PROS1: variants seen among roughly 807,000 people sequenced by gnomAD.
PROS1 encodes the protein vitamin K-dependent protein S.
Under a neutral mutation model 75.9 loss-of-function variants are expected in PROS1, and 29 were observed. That is an observed-to-expected ratio of 0.38 (90% CI 0.28 to 0.52). PROS1 has a LOEUF of 0.52. PROS1 is among the 20% of genes least tolerant of loss of function. PROS1 has a pLI of 0.83. For missense variants in PROS1, 680 were observed against 810.3 expected (o/e 0.84, Z 1.95); for synonymous variants, 245 against 280.6 (o/e 0.87, Z 1.27).
At chr3:93,907,222 C>A (rs1402985455) in intron 4 of PROS1, among the ~76,000 whole-genome samples, 3 of 152,200 alleles carry the variant, frequency 2.0e-5, no homozygotes, top group Non-Finnish European at 4.4e-5. Flanking sequence ...CTCTGAAGAC[C>A]ATAAAAACCC....
intron 11 of PROS1, among the ~76,000 whole-genome samples, chr3:93,885,494 G>A (rs1458417062): frequency 1.3e-5 from 2 of 152,080 alleles, no homozygotes; most frequent in African/African-American, 4.8e-5. Flanking sequence ...CCAAATTGCT[G>A]GGATTACAGG....
intron 8 of PROS1, 79 bp downstream of exon 8, chr3:93,898,369 C>T: frequency 6.6e-7 from 1 of 1,524,540 alleles, no homozygotes; most frequent in Non-Finnish European, 9.1e-7. Context: ...ATTTTCCTGA[C>T]TTAGCTATGT....
chr3:93,938,951 C>G (rs187734770), intron 1 of PROS1, among the ~76,000 whole-genome samples: 1 of 152,176 alleles, frequency 6.6e-6, no homozygotes, highest in East Asian at 1.9e-4. Context: ...CTGCTCACCA[C>G]CCCCCTTCTC....
chr3:93,958,037 G>A (rs1467678133), intron 1 of PROS1, among the ~76,000 whole-genome samples: 2 of 151,918 alleles, frequency 1.3e-5, no homozygotes, highest in South Asian at 2.1e-4. Flanking sequence ...GCAGTGAGCC[G>A]AGATCATGCC....
At chr3:93,955,889 C>T (rs1709590387) in intron 1 of PROS1, among the ~76,000 whole-genome samples, 1 of 152,122 alleles carries the variant, frequency 6.6e-6, no homozygotes, top group African/African-American at 2.4e-5. Flanking sequence ...CAATTTTACA[C>T]TGATGAATAT....
At chr3:93,964,209 T>C (rs1709750939) in intron 1 of PROS1, among the ~76,000 whole-genome samples, 1 of 152,116 alleles carries the variant, frequency 6.6e-6, no homozygotes, top group African/African-American at 2.4e-5. Flanking sequence ...ATAACAGTGA[T>C]TTTAGGGAAC....
At chr3:93,952,173 AC>A (rs1488060665) in intron 1 of PROS1, among the ~76,000 whole-genome samples, 1 of 152,146 alleles carries the variant, frequency 6.6e-6, no homozygotes, top group Non-Finnish European at 1.5e-5. Context: ...GATCAATGAG[AC>A]AAAAAGTTAA....
intron 7 of PROS1, among the ~76,000 whole-genome samples, chr3:93,899,298 A>G (rs1166038633): frequency 6.6e-6 from 1 of 152,096 alleles, no homozygotes; most frequent in Non-Finnish European, 1.5e-5. Flanking sequence ...TCAGAGTTAT[A>G]TAAGATCATT....
In PROS1 at chr3:93,896,680, C is replaced by T; in HGVS notation, c.861G>A (p.Val287=). ...TTGTGTCAAGGTTCAAGGGAAGGCA[C>T]ACTGAAACAACCTGGAATAAAAGAA... ...QDQKSCEVVS[V]CLPLNLDTKY... The change falls in exon 9 of 15, where the codon GTG becomes GTA. Residue 287 remains valine (V), a synonymous_variant. Transcript: ENST00000394236. The T allele has an allele frequency of 6.2e-7, 1 of 1,610,786 alleles. No homozygotes were observed. Among genetic ancestry groups the T allele is most frequent in the Non-Finnish European group, 8.5e-7 (1 of 1,177,090 alleles).
chr3:93,922,079 G>A (rs902260885), intron 3 of PROS1, among the ~76,000 whole-genome samples: 6 of 152,036 alleles, frequency 3.9e-5, no homozygotes, highest in Admixed American at 1.3e-4. Flanking sequence ...CCAGCTTTTC[G>A]CCTACCCAGG....
chr3:93,888,378 T>C (rs1250598848), intron 10 of PROS1, among the ~76,000 whole-genome samples: 2 of 152,214 alleles, frequency 1.3e-5, no homozygotes. Context: ...TACGTATATA[T>C]TGAAATACAT....
intron 1 of PROS1, among the ~76,000 whole-genome samples, chr3:93,969,954 TAGTA>T (rs1484895700): frequency 2.0e-5 from 3 of 152,206 alleles, no homozygotes; most frequent in Admixed American, 6.5e-5. Context: ...ACAGAATTAA[TAGTA>T]AGAGAATGTG....
At chr3:93,928,013 T>TATATATA (rs1709053137) in intron 1 of PROS1, among the ~76,000 whole-genome samples, 18 of 9,674 alleles carry the variant, frequency 1.9e-3, no homozygotes, top group Non-Finnish European at 2.4e-3. Context: ...ATATATATAT[T>TATATATA]TTTTTTTTTT....
chr3:93,946,752 A>G (rs1009305171), intron 1 of PROS1, among the ~76,000 whole-genome samples: 2 of 151,980 alleles, frequency 1.3e-5, no homozygotes, highest in South Asian at 2.1e-4. Flanking sequence ...ATGGGCAAGA[A>G]CTTCATATCT....
chr3:93,952,251 C>T (rs1296019350), intron 1 of PROS1, among the ~76,000 whole-genome samples: 13 of 152,186 alleles, frequency 8.5e-5, no homozygotes, highest in African/African-American at 1.4e-4. Context: ...ACAGAACTCT[C>T]CACCCCAAAT....
intron 1 of PROS1, among the ~76,000 whole-genome samples, chr3:93,959,937 G>T (rs1709675812): frequency 6.6e-6 from 1 of 152,178 alleles, no homozygotes; most frequent in Admixed American, 6.5e-5. Context: ...AGCAGGCATA[G>T]TAAATTATGC....
chr3:93,958,703 A>T (rs1709650755), intron 1 of PROS1: 1 of 152,290 alleles, frequency 6.6e-6, no homozygotes, highest in African/African-American at 2.4e-5. Context: ...AATAAGTCTC[A>T]TGAAGTCTGA....
chr3:93,937,308 G>C (rs550947640), intron 1 of PROS1, among the ~76,000 whole-genome samples: 1 of 152,004 alleles, frequency 6.6e-6, no homozygotes, highest in Non-Finnish European at 1.5e-5. Flanking sequence ...GAGTTTCACA[G>C]TGTTCTTTTA....
chr3:93,951,364 A>T (rs1709492712), intron 1 of PROS1, among the ~76,000 whole-genome samples: 2 of 152,240 alleles, frequency 1.3e-5, no homozygotes, highest in Non-Finnish European at 2.9e-5. Flanking sequence ...GGTTACCCAC[A>T]AAGGGAATCC....
Sources: gnomAD v4.1 joint callset for allele counts (sites outside exome capture counted in the v4.1 genomes callset) on GRCh38, gnomAD v4.1.1 for gene constraint, MANE v1.5 for transcripts, NCBI Gene and HGNC (gene_info 2026-07-23, HGNC 2026-07-21) for gene names.